Variants in NCAM2 observed in about 807,000 individuals in gnomAD.
NCAM2 encodes N-CAM-2.
NCAM2 carries 30 observed loss-of-function variants against 98.1 expected under a neutral mutation model. The observed-to-expected ratio is 0.31, with a 90% CI of 0.23 to 0.41. NCAM2 has a LOEUF of 0.41. Among genes scored for constraint, NCAM2 ranks in the 10% least tolerant of loss-of-function variants. NCAM2 has a pLI of 1.00. For synonymous variants in NCAM2, 368 were observed against 342.4 expected (o/e 1.07, Z -0.83); for missense variants, 867 against 1,005.8 (o/e 0.86, Z 1.87).
At chr21:21,252,495 A>C (rs796367898) in intron 1 of NCAM2, among the ~76,000 whole-genome samples, 7 of 152,052 alleles carry the variant, frequency 4.6e-5, no homozygotes, top group African/African-American at 1.7e-4. Flanking sequence ...CAATCTAGTC[A>C]ATCAATTATA....
rs1555902035 is a variant in NCAM2 at position 21,467,428 on chromosome 21, T to TATATATATATATATCTTTATA, written c.1774+703_1774+704insATATATATATATATCTTTATA. Among the ~76,000 whole-genome samples the TATATATATATATATCTTTATA allele has an allele frequency of 8.3e-3, 1,162 of 140,704 alleles. 8 individuals carry two copies. Among genetic ancestry groups the TATATATATATATATCTTTATA allele is most frequent in the Middle Eastern group, 0.011 (3 of 274 alleles). 92.3% of individuals were successfully genotyped at this position (140,704 alleles called of 152,430 possible). A position where few individuals can be genotyped will look rare whatever the true frequency, so the allele number is the denominator to read the frequency against. On this transcript the variant is annotated intron_variant, in intron 13 of 17. Transcript: ENST00000400546. ...TGTATATGTGTATATATATATCTTT[T>TATATATATATATATCTTTATA]TATATATATATATATGTTAGGACAG...
chr21:21,447,146 A>T (rs564902938), intron 12 of NCAM2, among the ~76,000 whole-genome samples: 1 of 152,308 alleles, frequency 6.6e-6, no homozygotes, highest in South Asian at 2.1e-4. Flanking sequence ...ACCTGACTTC[A>T]AAATATACTA....
chr21:21,172,310 A>G lies in NCAM2; in HGVS notation c.56-108268A>G, dbSNP rs371660450. ...TATTTAAGAATATTATAATATTTGT[A>G]AGATTTTACAAACCTTTAAACCATA... is the stretch of plus-strand genomic sequence containing the variant. On this transcript the variant is annotated intron_variant, in intron 1 of 17. Coordinates refer to ENST00000400546, the MANE Select transcript of NCAM2 (RefSeq NM_004540.5). Among the ~76,000 whole-genome samples, 6 of 152,254 alleles carry G rather than the reference A, an allele frequency of 3.9e-5. No homozygotes were observed. In the East Asian group the frequency reaches 1.2e-3, roughly 29 times the overall value.
chr21:21,258,029 A>G (rs2147327021), intron 1 of NCAM2, among the ~76,000 whole-genome samples: 1 of 152,332 alleles, frequency 6.6e-6, no homozygotes, highest in African/African-American at 2.4e-5. Flanking sequence ...TAGTTTCCTA[A>G]TGCCTTGAAC....
intron 16 of NCAM2, among the ~76,000 whole-genome samples, chr21:21,514,529 T>C (rs1022949767): frequency 6.6e-6 from 1 of 151,822 alleles, no homozygotes; most frequent in Non-Finnish European, 1.5e-5. Flanking sequence ...GTGCCTGATC[T>C]TCATGTAGTT....
chr21:21,244,302 C>T (rs1052838202), intron 1 of NCAM2, among the ~76,000 whole-genome samples: 3 of 151,948 alleles, frequency 2.0e-5, no homozygotes, highest in African/African-American at 2.4e-5. Context: ...TGTCAAAACC[C>T]GTAGTAACTG....
chr21:21,487,090 CA>C (rs1437750993), intron 15 of NCAM2, among the ~76,000 whole-genome samples: 3 of 151,964 alleles, frequency 2.0e-5, no homozygotes, highest in African/African-American at 7.3e-5. Context: ...TTAAAAAGTA[CA>C]AAACTAAACA....
At chr21:21,080,677 A>C (rs1431008951) in intron 1 of NCAM2, among the ~76,000 whole-genome samples, 1 of 133,992 alleles carries the variant, frequency 7.5e-6, no homozygotes, top group East Asian at 2.0e-4. Flanking sequence ...AAAAAAAAAA[A>C]AAACCAACAT....
chr21:21,430,394 T>TTATATATATATATATATATATA lies in NCAM2; in HGVS notation c.1481-1705_1481-1704insATATATATATATATATATATAT, dbSNP rs548093741. Among the ~76,000 whole-genome samples the TTATATATATATATATATATATA allele has an allele frequency of 2.2e-4, 27 of 125,018 alleles. 2 individuals are homozygous for TTATATATATATATATATATATA. In the East Asian group the frequency reaches 3.3e-3, roughly 15 times the overall value. 82.0% of individuals were successfully genotyped at this position (125,018 alleles called of 152,430 possible). A position where few individuals can be genotyped will look rare whatever the true frequency, so the allele number is the denominator to read the frequency against. On this transcript the variant is annotated intron_variant, in intron 11 of 17. Transcript: ENST00000400546. ...TGTACTGCATATTTATCAGTCAAGT[T>TTATATATATATATATATATATA]TATATATATTAGCCCATTCTCACAC...
intron 1 of NCAM2, among the ~76,000 whole-genome samples, chr21:21,227,637 T>G (rs1439113948): frequency 6.6e-6 from 1 of 151,860 alleles, no homozygotes; most frequent in Admixed American, 6.6e-5. Flanking sequence ...AAAGATTATT[T>G]TGGAGAATAA....
At chr21:21,512,011 G>T (rs1243961535) in intron 16 of NCAM2, among the ~76,000 whole-genome samples, 1 of 151,674 alleles carries the variant, frequency 6.6e-6, no homozygotes, top group African/African-American at 2.4e-5. Flanking sequence ...CTTGTCAGAT[G>T]GGTACTTTAT....
At chr21:21,083,871 T>G (rs1363386622) in intron 1 of NCAM2, among the ~76,000 whole-genome samples, 2 of 152,226 alleles carry the variant, frequency 1.3e-5, no homozygotes, top group African/African-American at 4.8e-5. Flanking sequence ...ATATTGACAT[T>G]GATAAATTAT....
intron 16 of NCAM2, among the ~76,000 whole-genome samples, chr21:21,532,639 T>C (rs1489473595): frequency 6.6e-6 from 1 of 152,190 alleles, no homozygotes; most frequent in Non-Finnish European, 1.5e-5. Context: ...ATTGTTAATA[T>C]AAGAAAATGT....
intron 10 of NCAM2, among the ~76,000 whole-genome samples, chr21:21,415,627 GC>G (rs1490107795): frequency 3.9e-5 from 6 of 152,082 alleles, no homozygotes; most frequent in African/African-American, 1.4e-4. Flanking sequence ...GAGCCACCTC[GC>G]CCGGCCCTTA....
At chr21:21,252,906 A>G (rs1025807250) in intron 1 of NCAM2, among the ~76,000 whole-genome samples, 1 of 152,134 alleles carries the variant, frequency 6.6e-6, no homozygotes, top group Non-Finnish European at 1.5e-5. Flanking sequence ...ATTGATGATC[A>G]TCTCTTTTAG....
At chr21:21,492,019 T>G (rs1354706720) in intron 15 of NCAM2, among the ~76,000 whole-genome samples, 1 of 151,696 alleles carries the variant, frequency 6.6e-6, no homozygotes, top group Non-Finnish European at 1.5e-5. Flanking sequence ...GTATGATTAC[T>G]GTTGTAGTAA....
chr21:21,112,196 G>A (rs1245563373), intron 1 of NCAM2, among the ~76,000 whole-genome samples: 3 of 152,008 alleles, frequency 2.0e-5, no homozygotes, highest in African/African-American at 7.2e-5. Flanking sequence ...ATTCTATAGT[G>A]ATTCATTGTG....
At chr21:21,503,214 A>G (rs1443685595) in intron 15 of NCAM2, among the ~76,000 whole-genome samples, 1 of 151,978 alleles carries the variant, frequency 6.6e-6, no homozygotes, top group East Asian at 1.9e-4. Flanking sequence ...CTACGTACAT[A>G]CCTATGATAA....
rs931051228 is a variant in NCAM2, at chr21:21,128,032, A to AT, written c.55+129423dup. On this transcript the variant is annotated intron_variant, in intron 1 of 17. Transcript: ENST00000400546. ...TTACTACCTACCATTTTCCCTTTGT[A>AT]TTTTTTTTTAAAGAATAAATCAATA... Among the ~76,000 whole-genome samples, 682 of 151,142 alleles carry AT rather than the reference A, an allele frequency of 4.5e-3. 5 individuals are homozygous for AT. Among genetic ancestry groups the AT allele is most frequent in the African/African-American group, 0.014 (583 of 41,236 alleles).
Sources: allele counts gnomAD v4.1 joint callset (sites outside exome capture counted in the v4.1 genomes callset), GRCh38; gene constraint gnomAD v4.1.1; transcripts MANE v1.5; gene names NCBI Gene and HGNC (gene_info 2026-07-23, HGNC 2026-07-21).